Variants in LRP5 observed in about 807,000 individuals in gnomAD.
LRP5 encodes LDL receptor related protein 5.
LRP5 carries 62 observed loss-of-function variants against 154.1 expected under a neutral mutation model. That is an observed-to-expected ratio of 0.40 (90% confidence interval 0.33 to 0.50). The LOEUF (loss-of-function observed/expected upper bound fraction) is 0.50, where lower values mean the gene tolerates loss of function less well. Ranked by LOEUF, LRP5 falls within the 20% of genes least tolerant of loss-of-function variation. LRP5 has a pLI of 0.55. For missense variants in LRP5, 1,915 were observed against 2,336.7 expected, an observed-to-expected ratio of 0.82 and a Z score of 3.72; for synonymous variants, 966 against 1,011.5, an observed-to-expected ratio of 0.96 and a Z score of 0.85.
At position 68,433,738 on chromosome 11, in the gene LRP5, C is replaced by G; in HGVS notation, c.3900C>G (p.Ala1300=). ...AGGAGGGCTGCCCCGTGTGCTCCGC[C>G]GCCCAGTTCCCCTGCGCGCGGGGTC... is the stretch of plus-strand genomic sequence containing the variant. ...SDEEGCPVCS[A]AQFPCARGQC... Residue 1300 remains alanine (A), a synonymous_variant, in exon 18 of 23, where the codon GCC becomes GCG. Coordinates refer to ENST00000294304, the MANE Select transcript of LRP5 (RefSeq NM_002335.4). 1 of 1,612,840 alleles carries G rather than the reference C, an allele frequency of 6.2e-7. No individual in the cohort carries two copies. The highest frequency in any genetic ancestry group is 8.5e-7 in the Non-Finnish European group (1 of 1,179,898).
Position 68,425,971 on chromosome 11 carries a change from C to T in LRP5, c.3428-7C>T. On this transcript the variant is annotated splice_region_variant and splice_polypyrimidine_tract_variant and intron_variant, in intron 15 of 22. Coordinates refer to ENST00000294304, the MANE Select transcript of LRP5 (RefSeq NM_002335.4). ...ACTGCTCAGGGGGGCCCACGGGCTG[C>T]TTGCAGGGGCCAACCGCCTGACCCT... The T allele has an allele frequency of 6.2e-7, 1 of 1,609,278 alleles. No individual in the cohort carries two copies.
At chr11:68,333,180 C>T (rs369449857) in intron 1 of LRP5, among the ~76,000 whole-genome samples, 46 of 152,260 alleles carry the variant, frequency 3.0e-4, no homozygotes, top group African/African-American at 1.0e-3. Context: ...CTGTGAGCTG[C>T]GTGCAGGTAA....
At chr11:68,356,218 T>G (rs564663289) in intron 2 of LRP5, among the ~76,000 whole-genome samples, 1 of 149,730 alleles carries the variant, frequency 6.7e-6, no homozygotes, top group East Asian at 2.0e-4. Flanking sequence ...CACAGCTCAC[T>G]GCAGCCTCGA....
chr11:68,300,635 G>T, the LRP5 span, among the ~76,000 whole-genome samples: 2 of 149,438 alleles, frequency 1.3e-5, no homozygotes, highest in African/African-American at 2.4e-5. Context: ...TGCCCAAGCC[G>T]CAGAGGCCAT....
At chr11:68,342,332 T>C (rs61539720) in intron 1 of LRP5, among the ~76,000 whole-genome samples, 7,369 of 152,166 alleles carry the variant, frequency 0.048, 596 homozygotes, top group African/African-American at 0.16. Context: ...AGGGCTCCTT[T>C]CCCCTTTGGA....
the LRP5 span, among the ~76,000 whole-genome samples, chr11:68,299,088 C>A: frequency 6.6e-6 from 1 of 152,240 alleles, no homozygotes; most frequent in Admixed American, 6.5e-5. Context: ...CACACTCCAC[C>A]AACCAGCTGC....
intron 2 of LRP5, among the ~76,000 whole-genome samples, chr11:68,348,629 A>ACC (rs2098615718): frequency 6.9e-6 from 1 of 144,762 alleles, no homozygotes; most frequent in Non-Finnish European, 1.5e-5. Context: ...CAGGCCTGTA[A>ACC]CCCCAGCACT....
chr11:68,317,710 CAGTTTGTCCT>C lies in LRP5; in HGVS notation c.91+4914_91+4923del, dbSNP rs1214694904. On this transcript the variant is annotated intron_variant, in intron 1 of 22. Coordinates refer to ENST00000294304, the MANE Select transcript of LRP5 (RefSeq NM_002335.4). ...TGCTCCAGGTCCAGCCTCTGGTTTC[CAGTTTGTCCT>C]AGTTTGTCACCTTGTAGGGGGCAGT... Among the ~76,000 whole-genome samples the C allele has an allele frequency of 5.9e-5, 9 of 152,368 alleles. No homozygotes were observed. In the East Asian group the frequency reaches 1.2e-3, roughly 20 times the overall value.
intron 5 of LRP5, among the ~76,000 whole-genome samples, chr11:68,376,034 G>C (rs2098637130): frequency 6.6e-6 from 1 of 152,142 alleles, no homozygotes; most frequent in Non-Finnish European, 1.5e-5. Flanking sequence ...CGTTATTTTG[G>C]CTACTGCCAC....
intron 5 of LRP5, among the ~76,000 whole-genome samples, chr11:68,377,369 C>A (rs1565357649): frequency 6.6e-6 from 1 of 152,224 alleles, no homozygotes; most frequent in Non-Finnish European, 1.5e-5. Context: ...TGCCTGCCAG[C>A]TGCTCCTGGA....
rs1234346509 is a variant in LRP5 at position 68,353,686 on chromosome 11, TGTGCCCTCCTGCA to T, written c.489-3959_489-3947del. 6.6e-6 allele frequency among the ~76,000 whole-genome samples: 1 copy of T among 152,154 alleles called. No individual in the cohort carries two copies. Among genetic ancestry groups the T allele is most frequent in the East Asian group, 1.9e-4 (1 of 5,194 alleles). ...CCCTGCTAGAGCCCCCGTCATCTCC[TGTGCCCTCCTGCA>T]GTGCTGTCCCCCACCAGGGTCCTTC... On this transcript the variant is annotated intron_variant, in intron 2 of 22. Transcript: ENST00000294304. The surrounding 1 kb of genome is among the most constrained non-coding windows in gnomAD (Gnocchi z 4.5).
upstream of LRP5, among the ~76,000 whole-genome samples, chr11:68,308,382 G>A (rs1457485869): frequency 4.6e-5 from 7 of 152,194 alleles, no homozygotes; most frequent in Admixed American, 4.6e-4. Flanking sequence ...CCCTGTCCCC[G>A]GAAGCAATGA....
At chr11:68,403,937 G>A (rs1416692886) in intron 8 of LRP5, 2 of 592,238 alleles carry the variant, frequency 3.4e-6, no homozygotes, top group Non-Finnish European at 6.0e-6. Flanking sequence ...ACTAACATTT[G>A]TTGAGCACCT....
In LRP5 at chr11:68,406,615, G is replaced by A. The variant is rs1430136871; in HGVS notation, c.1893G>A (p.Leu631=). 1 of 1,614,176 alleles carries A rather than the reference G, an allele frequency of 6.2e-7. No individual in the cohort carries two copies. The highest frequency in any genetic ancestry group is 1.3e-5 in the African/African-American group (1 of 75,052). The change falls in exon 9 of 23, where the codon CTG becomes CTA. Residue 631 remains leucine, a synonymous_variant. Transcript: ENST00000294304. ...CCCGGTGTGGCTGCCCCATCGGCCT[G>A]GAGCTGCTGAGTGACATGAAGACCT... ...HATRCGCPIG[L]ELLSDMKTCI...
chr11:68,331,039 C>G (rs570943095), intron 1 of LRP5, among the ~76,000 whole-genome samples: 13 of 152,226 alleles, frequency 8.5e-5, no homozygotes, highest in Non-Finnish European at 1.6e-4. Flanking sequence ...GTTCTGTGAT[C>G]AGGCGCAGTT....
chr11:68,394,576 C>T (rs904680797), intron 7 of LRP5, among the ~76,000 whole-genome samples: 9 of 152,180 alleles, frequency 5.9e-5, no homozygotes, highest in African/African-American at 2.2e-4. Flanking sequence ...TGCCATTCTC[C>T]TGCCTCAGCC....
intron 1 of LRP5, among the ~76,000 whole-genome samples, chr11:68,319,920 G>A (rs1279606581): frequency 1.3e-5 from 2 of 152,144 alleles, no homozygotes; most frequent in Admixed American, 1.3e-4. Context: ...CACTTTGGGA[G>A]GTTGAGGCAG....
At chr11:68,352,994 T>G (rs1278447371) in intron 2 of LRP5, among the ~76,000 whole-genome samples, 3 of 152,032 alleles carry the variant, frequency 2.0e-5, no homozygotes, top group Non-Finnish European at 4.4e-5. Context: ...GATTGGGAGG[T>G]GCTTGGCATT....
In LRP5 at chr11:68,363,807, T is replaced by G; in HGVS notation, c.747T>G (p.Thr249=). ...HPFALTLSGD[T]LYWTDWQTRS... The stretch of plus-strand genomic sequence containing the variant: ...TCGCCCTGACGCTCTCCGGGGACAC[T>G]CTGTACTGGACAGACTGGCAGACCC... Residue 249 remains threonine, a synonymous_variant, in exon 4 of 23, where the codon ACT becomes ACG. Coordinates refer to ENST00000294304, the MANE Select transcript of LRP5 (RefSeq NM_002335.4). The G allele has an allele frequency of 6.2e-7, 1 of 1,612,964 alleles. No individual in the cohort carries two copies. The highest frequency in any genetic ancestry group is 8.5e-7 in the Non-Finnish European group (1 of 1,179,832).
Sources: gnomAD v4.1 joint callset for allele counts (sites outside exome capture counted in the v4.1 genomes callset) on GRCh38, gnomAD v4.1.1 for gene constraint, Gnocchi (gnomAD v3.1) non-coding constraint, MANE v1.5 for transcripts, NCBI Gene and HGNC (gene_info 2026-07-23, HGNC 2026-07-21) for gene names.